NOBOX: variants seen among roughly 807,000 people sequenced by gnomAD.
The protein encoded by NOBOX is NOBOX oogenesis homeobox.
NOBOX carries 46 observed loss-of-function variants against 60.2 expected under a neutral mutation model. The observed-to-expected ratio is 0.76, with a 90% CI of 0.60 to 0.98. NOBOX has a LOEUF of 0.98. Ranked by LOEUF, NOBOX falls within the 50% of genes least tolerant of loss-of-function variation. NOBOX has a pLI of 0.00. For synonymous variants in NOBOX, 360 were observed against 346.3 expected (o/e 1.04, Z -0.44); for missense variants, 880 against 865.5 (o/e 1.02, Z -0.21).
At chr7:144,407,927 A>G (rs2053997021) in intron 1 of NOBOX, among the ~76,000 whole-genome samples, 1 of 152,214 alleles carries the variant, frequency 6.6e-6, no homozygotes, top group South Asian at 2.1e-4. Context: ...GTGTTTTGTA[A>G]TTTAGAATGT....
Position 144,404,641 on chromosome 7 carries a change from A to C in NOBOX, c.125T>G (p.Leu42Arg). 6.2e-7 allele frequency: 1 copy of C among 1,613,966 alleles called. No homozygotes were observed. The highest frequency in any genetic ancestry group is 8.5e-7 in the Non-Finnish European group (1 of 1,179,830). ...GCCACAGACTCCGTAGATCCGGTAC[A>C]GTCCACACACAGGAAATTCAGGTAC... Residue 42 changes from leucine (L) to arginine (R), a missense_variant, in exon 2 of 10, where the codon CTG (leucine) becomes CGG (arginine). Transcript: ENST00000467773.
Position 144,399,058 on chromosome 7 carries a change from G to A in NOBOX, c.1361C>T (p.Pro454Leu). The A allele has an allele frequency of 6.4e-7, 1 of 1,572,342 alleles. No homozygotes were observed. The highest frequency in any genetic ancestry group is 8.7e-7 in the Non-Finnish European group (1 of 1,144,862). The change falls in exon 8 of 10, where the codon CCT becomes CTT. Residue 454 changes from proline to leucine, a missense_variant. Pro to Leu is a moderately conservative substitution (Grantham distance 98). Coordinates refer to ENST00000467773, the MANE Select transcript of NOBOX (RefSeq NM_001080413.3). ...GGTGTGGACAGGGCCAAGGGGGAAA[G>A]GAAGATCGGCCCTTCGCACAGGTGG... is the stretch of plus-strand genomic sequence containing the variant.
chr7:144,398,371 G>A lies in NOBOX; in HGVS notation c.1685C>T (p.Pro562Leu), dbSNP rs1035596459. The change falls in exon 9 of 10, where the codon CCC becomes CTC. Residue 562 changes from proline (P) to leucine (L), a missense_variant. Coordinates refer to ENST00000467773, the MANE Select transcript of NOBOX (RefSeq NM_001080413.3). ...CGATGTGCCCCCGCTGGGGCCACAG[G>A]GAAACATAAAGAGAGAGTCTTCGGG... 5.2e-6 allele frequency: 8 copies of A among 1,537,166 alleles called. No homozygotes were observed. The African/African-American group carries it at 6.8e-5, about 13-fold the overall frequency.
Position 144,403,702 on chromosome 7 carries a change from C to A in NOBOX, c.210+854G>T. Reference sequence around the variant, plus strand: ...TTCTCTGTGGGTTCCATGGCCTGGACTCCCGCCGCCGCGGCCGGCCCGTGA... The same window carrying A: ...TTCTCTGTGGGTTCCATGGCCTGGAATCCCGCCGCCGCGGCCGGCCCGTGA... On this transcript the variant is annotated intron_variant, in intron 2 of 9. Transcript: ENST00000467773. 1.4e-6 allele frequency: 1 copy of A among 700,790 alleles called. No individual in the cohort carries two copies. The highest frequency in any genetic ancestry group is 2.7e-5 in the East Asian group (1 of 37,132). The allele number at this position is 700,790 out of a possible 1,614,324, so 43.4% of individuals were successfully genotyped here.
intron 7 of NOBOX, 31 bp downstream of exon 5, chr7:144,399,365 AT>A: frequency 1.4e-6 from 2 of 1,474,284 alleles, no homozygotes; most frequent in Non-Finnish European, 1.9e-6. Flanking sequence ...TTTAGTTGCC[AT>A]TTTCCCCCAG....
At chr7:144,410,078 ACTCTGT>A in intron 1 of NOBOX, 3 of 1,057,834 alleles carry the variant, frequency 2.8e-6, no homozygotes, top group Non-Finnish European at 4.3e-6. Flanking sequence ...TGGGAAGACA[ACTCTGT>A]CTTCTGTTCA....
At chr7:144,400,749 G>T (rs1173030107) in intron 4 of NOBOX, among the ~76,000 whole-genome samples, 1 of 152,150 alleles carries the variant, frequency 6.6e-6, no homozygotes, top group Non-Finnish European at 1.5e-5. Flanking sequence ...TGATGGCCAG[G>T]CTGGTCTCAA....
intron 1 of NOBOX, chr7:144,410,033 C>T (rs2054010951): frequency 3.0e-6 from 2 of 665,342 alleles, no homozygotes; most frequent in African/African-American, 3.6e-5. Flanking sequence ...CACTGGCTCC[C>T]AAGAGGGGAT....
chr7:144,406,116 C>T (rs147419404), intron 1 of NOBOX, among the ~76,000 whole-genome samples: 20 of 152,316 alleles, frequency 1.3e-4, no homozygotes, highest in African/African-American at 4.6e-4. Flanking sequence ...TATTTCCTCT[C>T]TCTAGCTGGC....
At chr7:144,400,093 C>T in intron 5 of NOBOX, 113 bp downstream of exon 3, 1 of 1,608,736 alleles carries the variant, frequency 6.2e-7, no homozygotes, top group Non-Finnish European at 8.5e-7. Flanking sequence ...CGTCTGAGGC[C>T]TCAATTCAGC....
At chr7:144,403,488 G>C (rs2053958078) in intron 2 of NOBOX, among the ~76,000 whole-genome samples, 169 bp downstream of exon 1, 2 of 151,962 alleles carry the variant, frequency 1.3e-5, no homozygotes, top group Non-Finnish European at 2.9e-5. Flanking sequence ...CCAAAGCACA[G>C]GGGGCAGTGA....
Position 144,400,342 on chromosome 7 carries a change from G to A in NOBOX, c.845-30C>T, listed in dbSNP as rs1587091017. On this transcript the variant is annotated intron_variant, in intron 4 of 9. Coordinates refer to ENST00000467773, the MANE Select transcript of NOBOX (RefSeq NM_001080413.3). ...AAGAAGAAGAAACTTGTGTGAGGAG[G>A]ACAAATGCCAGTGACAGGTAGGTGA... 6.3e-6 allele frequency: 10 copies of A among 1,594,240 alleles called. No homozygotes were observed. In the South Asian group the frequency reaches 9.9e-5, roughly 16 times the overall value.
intron 1 of NOBOX, among the ~76,000 whole-genome samples, chr7:144,404,962 G>C (rs1435820734): frequency 6.6e-6 from 1 of 152,134 alleles, no homozygotes; most frequent in African/African-American, 2.4e-5. Context: ...GAATCCAGGT[G>C]TTTTGCTTTA....
Position 144,399,817 on chromosome 7 carries a change from A to G in NOBOX, c.1094T>C (p.Leu365Pro). Residue 365 changes from leucine (L) to proline (P), a missense_variant, in exon 6 of 10, where the codon CTG becomes CCG. Physicochemically the swap from Leu to Pro is moderately conservative, Grantham distance 98 (BLOSUM62 -3). Transcript: ENST00000467773. ...ATTGTCCTTGCTTTCTTTCCCATTC[A>G]GTTTCTCCATTTTTCGCCACTTGGC... The G allele has an allele frequency of 6.2e-7, 1 of 1,612,840 alleles. No homozygotes were observed. Among genetic ancestry groups the G allele is most frequent in the Non-Finnish European group, 8.5e-7 (1 of 1,179,094 alleles).
intron 9 of NOBOX, 101 bp from the exon 8 acceptor site, chr7:144,397,642 A>G: frequency 9.6e-7 from 1 of 1,045,634 alleles, no homozygotes; most frequent in Non-Finnish European, 1.3e-6. Context: ...CAACACACAT[A>G]GACGCAGCTT....
Position 144,401,395 on chromosome 7 carries a change from C to A in NOBOX, c.495G>T (p.Arg165Ser). The change falls in exon 4 of 10, where the codon AGG (arginine) becomes AGT (serine). Residue 165 changes from arginine to serine, a missense_variant. Transcript: ENST00000467773. This position sits in a 1 kb window ranked among gnomAD's most constrained non-coding sequence, Gnocchi z 4.2. ...CTAGAGTTCTGTCTTTGTGGGGAGC[C>A]CTGGAGCGGGGGGGCGGGCACAGTC... 6.2e-7 allele frequency: 1 copy of A among 1,613,330 alleles called. No individual in the cohort carries two copies. Among genetic ancestry groups the A allele is most frequent in the Middle Eastern group, 1.6e-4 (1 of 6,062 alleles).
chr7:144,398,226 G>A (rs1250003073), intron 9 of NOBOX, 56 bp downstream of exon 7: 2 of 1,491,730 alleles, frequency 1.3e-6, no homozygotes, highest in Non-Finnish European at 1.8e-6. Flanking sequence ...TTGGCTCTTT[G>A]TCCCCTCCCA....
At chr7:144,400,890 T>C (rs879559391) in intron 4 of NOBOX, among the ~76,000 whole-genome samples, 156 bp downstream of exon 2, 3 of 152,204 alleles carry the variant, frequency 2.0e-5, no homozygotes, top group Admixed American at 6.5e-5. Flanking sequence ...GGGTCAGAGA[T>C]AGTTGCACTA....
At chr7:144,397,211 C>T, downstream of NOBOX, 2 of 1,504,514 alleles carry the variant, frequency 1.3e-6, no homozygotes, top group Non-Finnish European at 8.9e-7. Context: ...CCCACCCAAG[C>T]AGCCTCTTTT....
Sources: gnomAD v4.1 joint callset for allele counts (sites outside exome capture counted in the v4.1 genomes callset) on GRCh38, gnomAD v4.1.1 for gene constraint, Gnocchi (gnomAD v3.1) non-coding constraint, MANE v1.5 for transcripts, NCBI Gene and HGNC (gene_info 2026-07-23, HGNC 2026-07-21) for gene names.